The following MAGI2 variants were observed in gnomAD, a reference collection of about 807,000 sequenced individuals.
MAGI2 encodes the protein membrane-associated guanylate kinase, WW and PDZ domain-containing protein 2.
In MAGI2, 35 loss-of-function variants were observed where a neutral mutation model predicts 133.3. The observed-to-expected ratio is 0.26, with a 90% CI of 0.20 to 0.35. The LOEUF (loss-of-function observed/expected upper bound fraction) is 0.35. Among genes scored for constraint, MAGI2 ranks in the 10% least tolerant of loss-of-function variants. MAGI2 has a pLI of 1.00. For missense variants in MAGI2, 1,636 were observed against 1,863.4 expected, an observed-to-expected ratio of 0.88 and a Z score of 2.25; for synonymous variants, 729 against 710.6, an observed-to-expected ratio of 1.03 and a Z score of -0.41.
Position 79,388,311 on chromosome 7 carries a change from A to G in MAGI2, c.301+64709T>C, listed in dbSNP as rs998850882. ...ATGTATCCTAAGCTTACTTACTTTT[A>G]GTTCAGACTACAGTGACACCTCTGT... On this transcript the variant is annotated intron_variant, in intron 1 of 21. Coordinates refer to ENST00000354212, the MANE Select transcript of MAGI2 (RefSeq NM_012301.4). Among the ~76,000 whole-genome samples the G allele has an allele frequency of 4.6e-5, 7 of 152,120 alleles. No homozygotes were observed. In the South Asian group the frequency reaches 1.2e-3, roughly 27 times the overall value.
At chr7:78,833,512 G>C (rs1179291824) in intron 2 of MAGI2, among the ~76,000 whole-genome samples, 1 of 152,148 alleles carries the variant, frequency 6.6e-6, no homozygotes, top group Non-Finnish European at 1.5e-5. Context: ...CCGCTGTATT[G>C]CGGGCTGTTG....
chr7:78,688,450 T>C (rs1249264242), intron 2 of MAGI2, among the ~76,000 whole-genome samples: 1 of 152,012 alleles, frequency 6.6e-6, no homozygotes. Context: ...TTCTTTTTTA[T>C]GAAGACAAAA....
Position 78,573,057 on chromosome 7 carries a change from A to ATG in MAGI2, c.539-51413_539-51412insCA, listed in dbSNP as rs1472332323. On this transcript the variant is annotated intron_variant, in intron 3 of 21. Coordinates refer to ENST00000354212, the MANE Select transcript of MAGI2 (RefSeq NM_012301.4). ...TATGTATATATATATATATATATAT[A>ATG]TATATATATATATATATATACACAC... is the stretch of plus-strand genomic sequence containing the variant. 1.0e-3 allele frequency among the ~76,000 whole-genome samples: 104 copies of ATG among 103,360 alleles called. 2 individuals carry two copies. Among genetic ancestry groups the ATG allele is most frequent in the African/African-American group, 4.0e-3 (103 of 25,920 alleles). The allele number at this position is 103,360 out of a possible 152,430, so 67.8% of individuals were successfully genotyped here.
In MAGI2 at chr7:78,881,287, T is replaced by C. The variant is rs1395702968; in HGVS notation, c.418+125803A>G. Among the ~76,000 whole-genome samples, 8 of 152,096 alleles carry C rather than the reference T, an allele frequency of 5.3e-5. No homozygotes were observed. The South Asian group carries it at 1.7e-3, about 32-fold the overall frequency. On this transcript the variant is annotated intron_variant, in intron 2 of 21. Transcript: ENST00000354212. ...AGTATACATTCTTCTTACCTGCACA[T>C]GGAACATACTCTAAGATGGACCATA...
At chr7:78,065,409 A>G (rs1284982088) in intron 21 of MAGI2, among the ~76,000 whole-genome samples, 2 of 152,168 alleles carry the variant, frequency 1.3e-5, no homozygotes, top group African/African-American at 4.8e-5. Flanking sequence ...GAATCTGCAA[A>G]TCTTATCCTT....
chr7:79,045,577 G>A lies in MAGI2; in HGVS notation c.302-38371C>T, dbSNP rs185883836. Among the ~76,000 whole-genome samples the A allele has an allele frequency of 7.9e-4, 121 of 152,234 alleles. No individual in the cohort carries two copies. In the East Asian group the frequency reaches 0.02, roughly 25 times the overall value. ...GGAGGCGGAGGCAGGCGGATCACGAGGTCAGGAGATCGAGACCATCCTGCC... is the reference window on the plus strand; with the variant it reads ...GGAGGCGGAGGCAGGCGGATCACGAAGTCAGGAGATCGAGACCATCCTGCC... On this transcript the variant is annotated intron_variant, in intron 1 of 21. Transcript: ENST00000354212.
intron 2 of MAGI2, among the ~76,000 whole-genome samples, chr7:78,997,806 A>G (rs369283050): frequency 1.3e-5 from 2 of 152,254 alleles, no homozygotes; most frequent in African/African-American, 2.4e-5. Context: ...TGGGCTTCCA[A>G]CCAGAGTCAT....
At chr7:78,230,035 G>A (rs571411564) in intron 10 of MAGI2, among the ~76,000 whole-genome samples, 3 of 152,276 alleles carry the variant, frequency 2.0e-5, no homozygotes, top group South Asian at 2.1e-4. Context: ...TATTTGAATC[G>A]ACACATTGTC....
chr7:79,008,802 G>A (rs143726311), intron 1 of MAGI2: 1 of 152,160 alleles, frequency 6.6e-6, no homozygotes, highest in African/African-American at 2.4e-5. Flanking sequence ...CATGTGTCTT[G>A]GACTTGCTGG....
chr7:78,035,868 C>T (rs1810164834), intron 21 of MAGI2, among the ~76,000 whole-genome samples: 1 of 151,964 alleles, frequency 6.6e-6, no homozygotes, highest in African/African-American at 2.4e-5. Context: ...AAGACAGAAA[C>T]TGTATTCTAA....
chr7:78,587,748 A>C (rs943069947), intron 3 of MAGI2, among the ~76,000 whole-genome samples: 6 of 152,220 alleles, frequency 3.9e-5, no homozygotes, highest in Non-Finnish European at 5.9e-5. Context: ...GTAGCACATA[A>C]AACCTTTCTC....
In MAGI2 at chr7:79,339,763, T is replaced by C. The variant is rs146964686; in HGVS notation, c.301+113257A>G. Among the ~76,000 whole-genome samples, 37 of 152,260 alleles carry C rather than the reference T, an allele frequency of 2.4e-4. 1 individual carries two copies. In the East Asian group the frequency reaches 7.1e-3, roughly 29 times the overall value. The stretch of plus-strand genomic sequence containing the variant: ...TGTGGCTTTATACTTAATGAATATC[T>C]TGTCTGGACATGAAATCCCTGGCTT... On this transcript the variant is annotated intron_variant, in intron 1 of 21. Transcript: ENST00000354212.
chr7:78,536,588 G>C (rs1247066601), intron 3 of MAGI2, among the ~76,000 whole-genome samples: 1 of 152,106 alleles, frequency 6.6e-6, no homozygotes, highest in Non-Finnish European at 1.5e-5. Flanking sequence ...GTAATGGTTA[G>C]GAAGGAACTA....
intron 2 of MAGI2, among the ~76,000 whole-genome samples, chr7:78,974,901 A>C (rs775181327): frequency 4.0e-5 from 6 of 151,788 alleles, no homozygotes; most frequent in Admixed American, 2.0e-4. Context: ...CTTTTAAACA[A>C]AGTTGACTTC....
chr7:79,101,544 G>T (rs2129543236), intron 1 of MAGI2, among the ~76,000 whole-genome samples: 1 of 152,128 alleles, frequency 6.6e-6, no homozygotes, highest in Non-Finnish European at 1.5e-5. Flanking sequence ...CTAACACGGT[G>T]AAACCCCGTC....
intron 2 of MAGI2, among the ~76,000 whole-genome samples, chr7:78,778,904 CTTTTTTTTTT>C (rs71085566): frequency 3.4e-5 from 4 of 118,458 alleles, no homozygotes; most frequent in Non-Finnish European, 6.8e-5. Flanking sequence ...CCTTTTCAGC[CTTTTTTTTTT>C]TTTTTTTTTT....
intron 1 of MAGI2, chr7:79,012,038 C>T (rs538901196): frequency 2.0e-5 from 3 of 151,538 alleles, no homozygotes; most frequent in Non-Finnish European, 2.9e-5. Context: ...GGTCTTTGTG[C>T]TGAGCTACTC....
intron 6 of MAGI2, among the ~76,000 whole-genome samples, chr7:78,395,464 A>G (rs1316634731): frequency 1.3e-5 from 2 of 152,192 alleles, no homozygotes; most frequent in African/African-American, 2.4e-5. Context: ...TTCATCATCC[A>G]GCTCCTTAAG....
intron 3 of MAGI2, among the ~76,000 whole-genome samples, chr7:78,561,852 C>T (rs1398943112): frequency 6.6e-6 from 1 of 152,088 alleles, no homozygotes; most frequent in Non-Finnish European, 1.5e-5. Context: ...AAAGTAAGGG[C>T]ACGAAGGTAT....
Sources: allele counts gnomAD v4.1 joint callset (sites outside exome capture counted in the v4.1 genomes callset), GRCh38; gene constraint gnomAD v4.1.1; transcripts MANE v1.5; gene names NCBI Gene and HGNC (gene_info 2026-07-23, HGNC 2026-07-21).